The following COL1A1 variants were observed in gnomAD, a reference collection of about 807,000 sequenced individuals.
COL1A1 encodes collagen type I alpha 1 chain.
A neutral mutation model predicts 195.7 loss-of-function variants in COL1A1; 21 were observed. That is an observed-to-expected ratio of 0.11 (90% CI 0.08 to 0.15). The LOEUF (loss-of-function observed/expected upper bound fraction) is 0.15, where lower values mean the gene tolerates loss of function less well. Among genes scored for constraint, COL1A1 ranks in the 10% least tolerant of loss-of-function variants. COL1A1 has a pLI of 1.00. For missense variants in COL1A1, 1,365 were observed against 2,051.0 expected (o/e 0.67, Z 6.46); for synonymous variants, 749 against 747.3 (o/e 1.00, Z -0.04).
rs747598900 is a variant in COL1A1, at chr17:50,194,302, G to C, written c.1614+47C>G. The C allele has an allele frequency of 6.2e-7, 1 of 1,608,680 alleles. No individual in the cohort carries two copies. Among genetic ancestry groups the C allele is most frequent in the Non-Finnish European group, 8.5e-7 (1 of 1,175,404 alleles). ...AACGCCTCATCCCAGACCCTACACG[G>C]GATGGTCAGGGCCTGGCCAAGCCAG... On this transcript the variant is annotated intron_variant, in intron 23 of 50. Transcript: ENST00000225964. This position sits in a 1 kb window ranked among gnomAD's most constrained non-coding sequence, Gnocchi z 6.8.
rs1393863249 is a variant in COL1A1 at position 50,188,019 on chromosome 17, G to T, written c.3262-36C>A. On this transcript the variant is annotated intron_variant, in intron 44 of 50. Coordinates refer to ENST00000225964, the MANE Select transcript of COL1A1 (RefSeq NM_000088.4). The surrounding 1 kb of genome is among the most constrained non-coding windows in gnomAD (Gnocchi z 5.6). Reference sequence around the variant, plus strand: ...GAAAGGGACAAACTGTCAGGCGGAAGTTCCATTGGCATCGAGTGGGGCACT... The same window carrying T: ...GAAAGGGACAAACTGTCAGGCGGAATTTCCATTGGCATCGAGTGGGGCACT... The T allele has an allele frequency of 6.2e-7, 1 of 1,613,812 alleles. No homozygotes were observed. The highest frequency in any genetic ancestry group is 1.1e-5 in the South Asian group (1 of 91,070).
chr17:50,195,015 TG>T lies in COL1A1; in HGVS notation c.1353+31del. ...AGGGGGCTCCTAGGGCAGGGTGGGC[TG>T]GGCTGCAAGAAGGATGGCGGGGAGA... is the stretch of plus-strand genomic sequence containing the variant. On this transcript the variant is annotated intron_variant, in intron 20 of 50. Coordinates refer to ENST00000225964, the MANE Select transcript of COL1A1 (RefSeq NM_000088.4). This position sits in a 1 kb window ranked among gnomAD's most constrained non-coding sequence, Gnocchi z 4.3. 6.2e-7 allele frequency: 1 copy of T among 1,601,612 alleles called. No individual in the cohort carries two copies. Among genetic ancestry groups the T allele is most frequent in the Non-Finnish European group, 8.5e-7 (1 of 1,171,498 alleles).
At position 50,184,706 on chromosome 17, in the gene COL1A1, C is replaced by G; in HGVS notation, c.*796G>C. ...CCCCGGTGACACATCAAGACAAGAA[C>G]GAGGTAGTCTTTCAGCAACACAGTT... On this transcript the variant is annotated 3_prime_UTR_variant, in exon 51 of 51. Coordinates refer to ENST00000225964, the MANE Select transcript of COL1A1 (RefSeq NM_000088.4). 1 of 222,940 alleles carries G rather than the reference C, an allele frequency of 4.5e-6. No individual in the cohort carries two copies. The highest frequency in any genetic ancestry group is 8.9e-6 in the Non-Finnish European group (1 of 111,798). The allele number at this position is 222,940 out of a possible 1,614,324, so 13.8% of individuals were successfully genotyped here.
chr17:50,192,064 C>T lies in COL1A1; in HGVS notation c.1984-40G>A. On this transcript the variant is annotated intron_variant, in intron 29 of 50. Coordinates refer to ENST00000225964, the MANE Select transcript of COL1A1 (RefSeq NM_000088.4). ...GAGAGGAACAGACAGTGAGCAAAAC[C>T]CACCTGGGGCCACTCTGCTGGAAAG... 1.9e-6 allele frequency: 3 copies of T among 1,600,634 alleles called. No individual in the cohort carries two copies. In the South Asian group the frequency reaches 3.4e-5, roughly 18 times the overall value.
intron 11 of COL1A1, 93 bp downstream of exon 11, chr17:50,196,917 T>C: frequency 1.4e-6 from 2 of 1,437,274 alleles, no homozygotes; most frequent in South Asian, 2.3e-5. Context: ...CCACCCACCA[T>C]GATGCAACTC....
At chr17:50,199,679 G>A (rs1442393226) in intron 2 of COL1A1, 74 bp downstream of exon 2, 32 of 1,605,300 alleles carry the variant, frequency 2.0e-5, no homozygotes, top group Non-Finnish European at 2.7e-5. Context: ...GCCAGCGAGC[G>A]CCGACCACCC....
Position 50,197,231 on chromosome 17 carries a change from C to T in COL1A1, c.699G>A (p.Gly233=), listed in dbSNP as rs775720440. Residue 233 remains glycine (G), a splice_region_variant and synonymous_variant, in exon 10 of 51, where the codon GGG becomes GGA. Transcript: ENST00000225964. ...PGPPGKNGDD[G]EAGKPGRPGE... is the part of the protein sequence containing the mutation. ...CAGGACGACCAGGTTTTCCAGCTTC[C>T]CCCTGAGAGGGAGAGAAAAGACCAT... 5.6e-6 allele frequency: 9 copies of T among 1,612,632 alleles called. No individual in the cohort carries two copies. Among genetic ancestry groups the T allele is most frequent in the Admixed American group, 1.7e-5 (1 of 59,998 alleles).
chr17:50,198,193 G>A lies in COL1A1; in HGVS notation c.556C>T (p.Pro186Ser). Residue 186 changes from proline to serine, a missense_variant, in exon 7 of 51, where the codon CCT becomes TCT. Around this residue, in one of 5 missense-constraint regions of COL1A1, gnomAD observed 226 missense variants for 372.9 expected, o/e 0.61. Coordinates refer to ENST00000225964, the MANE Select transcript of COL1A1 (RefSeq NM_000088.4). ...SVPGPMGPSG[P>S]RGLPGPPGAP... ...CCAGGGGGGCCAGGGAGACCACGAG[G>A]ACCAGAGGGACCCTATAGAGGGAGA... 6.2e-7 allele frequency: 1 copy of A among 1,614,090 alleles called. No homozygotes were observed. The highest frequency in any genetic ancestry group is 1.3e-5 in the African/African-American group (1 of 75,016).
intron 15 of COL1A1, 76 bp from the exon 16 acceptor site, chr17:50,196,052 C>T: frequency 6.2e-7 from 1 of 1,604,966 alleles, no homozygotes. Context: ...AGAGGAAGTC[C>T]TGGGGTTCAG....
chr17:50,190,186 G>T lies in COL1A1; in HGVS notation c.2452-78C>A. ...TACCTGGGGGAGGAGCAGTAATGGA[G>T]GCAGGAAGATGCTTGGGTGGGAAAC... On this transcript the variant is annotated intron_variant, in intron 35 of 50. Transcript: ENST00000225964. This position sits in a 1 kb window ranked among gnomAD's most constrained non-coding sequence, Gnocchi z 4.7. 2 of 1,330,714 alleles carry T rather than the reference G, an allele frequency of 1.5e-6. No homozygotes were observed. Among genetic ancestry groups the T allele is most frequent in the Non-Finnish European group, 2.2e-6 (2 of 922,598 alleles). 82.4% of individuals were successfully genotyped at this position (1,330,714 alleles called of 1,614,324 possible). A position where few individuals can be genotyped will look rare whatever the true frequency, so the allele number is the denominator to read the frequency against.
rs777589249 is a variant in COL1A1, at chr17:50,194,822, C to T, written c.1360G>A (p.Val454Ile). Reference sequence around the variant, plus strand: ...GGGCCAGGGGGTCCTTGAACACCAACAGGGCCCTGGAGAGGGCCGAGAGGA... The same window carrying T: ...GGGCCAGGGGGTCCTTGAACACCAATAGGGCCCTGGAGAGGGCCGAGAGGA... ...DTGAKGEPGP[V>I]GVQGPPGPAG... Residue 454 changes from valine to isoleucine, a missense_variant, in exon 21 of 51, where the codon GTT (valine) becomes ATT (isoleucine). By Grantham distance (29) the Val-to-Ile change is conservative. Transcript: ENST00000225964. The surrounding 1 kb of genome is among the most constrained non-coding windows in gnomAD (Gnocchi z 6.8). The T allele has an allele frequency of 2.1e-5, 33 of 1,569,084 alleles. No individual in the cohort carries two copies. In the African/African-American group the frequency reaches 3.7e-4, roughly 17 times the overall value.
In COL1A1 at chr17:50,195,752, A is replaced by G; in HGVS notation, c.1057-87T>C. The stretch of plus-strand genomic sequence containing the variant: ...ATGGCAGGAGGAAGGGGAGACAGGG[A>G]CAGGAGAGCAATGATCAGGACTCTA... On this transcript the variant is annotated intron_variant, in intron 16 of 50. Transcript: ENST00000225964. This position sits in a 1 kb window ranked among gnomAD's most constrained non-coding sequence, Gnocchi z 4.3. The G allele has an allele frequency of 1.4e-6, 2 of 1,410,154 alleles. No homozygotes were observed. The highest frequency in any genetic ancestry group is 9.9e-7 in the Non-Finnish European group (1 of 1,011,184). The allele number at this position is 1,410,154 out of a possible 1,614,324, so 87.4% of individuals were successfully genotyped here.
Position 50,191,487 on chromosome 17 carries a change from C to T in COL1A1, c.2131G>A (p.Asp711Asn), listed in dbSNP as rs1247109829. 1 of 1,612,778 alleles carries T rather than the reference C, an allele frequency of 6.2e-7. No homozygotes were observed. The highest frequency in any genetic ancestry group is 1.7e-5 in the Admixed American group (1 of 59,940). The change falls in exon 32 of 51, where the codon GAT becomes AAT. Residue 711 changes from aspartate to asparagine, a missense_variant. By Grantham distance (23) the Asp-to-Asn change is conservative. This residue lies in a region of COL1A1 where 671 missense variants were observed against 1,099.9 expected (regional missense o/e 0.61). Transcript: ENST00000225964. ...GAPGNDGAKG[D>N]AGAPGAPGSQ... ...CCGGGAGCTCCAGGGGCACCAGCATCACCCTATGTGACAACCAAGAAGACT... is the reference window on the plus strand; with the variant it reads ...CCGGGAGCTCCAGGGGCACCAGCATTACCCTATGTGACAACCAAGAAGACT...
At position 50,186,177 on chromosome 17, in the gene COL1A1, A is replaced by G. The variant is rs147447144; in HGVS notation, c.4005+140T>C. On this transcript the variant is annotated intron_variant, in intron 49 of 50. Coordinates refer to ENST00000225964, the MANE Select transcript of COL1A1 (RefSeq NM_000088.4). The surrounding 1 kb of genome is among the most constrained non-coding windows in gnomAD (Gnocchi z 5.3). ...ATCGGCAGCCTGTGTCTGAACCACT[A>G]TCAGGGACCTGAGACCCCTGCCTCC... The G allele has an allele frequency of 5.1e-4, 770 of 1,504,462 alleles. 1 individual carries two copies. The highest frequency in any genetic ancestry group is 5.2e-4 in the Non-Finnish European group (575 of 1,100,248). 93.2% of individuals were successfully genotyped at this position (1,504,462 alleles called of 1,614,324 possible).
At chr17:50,193,895 C>T in intron 25 of COL1A1, 48 bp downstream of exon 25, 3 of 1,539,428 alleles carry the variant, frequency 1.9e-6, no homozygotes, top group Non-Finnish European at 2.7e-6. Context: ...CTTCAAGTCT[C>T]AGGTGTGTTT....
At position 50,185,945 on chromosome 17, in the gene COL1A1, C is replaced by T. The variant is rs141011435; in HGVS notation, c.4081G>A (p.Glu1361Lys). The T allele has an allele frequency of 2.9e-5, 46 of 1,613,882 alleles. No homozygotes were observed. In the Middle Eastern group the frequency reaches 6.6e-4, roughly 23 times the overall value. Residue 1361 changes from glutamate to lysine, a missense_variant, in exon 50 of 51, where the codon GAG (glutamate) becomes AAG (lysine). Physicochemically the swap from Glu to Lys is moderately conservative, Grantham distance 56. Coordinates refer to ENST00000225964, the MANE Select transcript of COL1A1 (RefSeq NM_000088.4). ...QLTFLRLMSTEASQNITYHCK... is the reference protein window; with the variant it reads ...QLTFLRLMSTKASQNITYHCK... ...TGGTAGGTGATGTTCTGGGAGGCCT[C>T]GGTGGACATCAGGCGCAGGAAGGTC...
At chr17:50,196,714 T>C (rs1255030987) in intron 11 of COL1A1, 44 bp from the exon 12 acceptor site, 1 of 1,602,236 alleles carries the variant, frequency 6.2e-7, no homozygotes, top group East Asian at 2.2e-5. Context: ...GTGGAGGGGG[T>C]GGAACAGCCT....
chr17:50,190,503 A>G lies in COL1A1; in HGVS notation c.2397+40T>C. ...CAGGGGTGCTGTGTGAAGGGAGGGA[A>G]GGGCCAAGTATGGGGTCTTAACAGG... On this transcript the variant is annotated intron_variant, in intron 34 of 50. Transcript: ENST00000225964. This position sits in a 1 kb window ranked among gnomAD's most constrained non-coding sequence, Gnocchi z 4.7. The G allele has an allele frequency of 6.2e-7, 1 of 1,612,022 alleles. No homozygotes were observed. The highest frequency in any genetic ancestry group is 1.3e-5 in the African/African-American group (1 of 74,912).
rs376524129 is a variant in COL1A1 at position 50,186,717 on chromosome 17, C to T, written c.3737G>A (p.Arg1246Gln). ...KSLSQQIENIRSPEGSRKNPA... is the reference protein window; with the variant it reads ...KSLSQQIENIQSPEGSRKNPA... ...GTTCTTGCGGCTGCCCTCTGGGCTC[C>T]GGATGTTCTCGATCTGCTGGCTCAG... Residue 1246 changes from arginine to glutamine, a missense_variant, in exon 48 of 51, where the codon CGG becomes CAG. This residue lies in a region of COL1A1 where 273 missense variants were observed against 338.6 expected (regional missense o/e 0.81). Transcript: ENST00000225964. This position sits in a 1 kb window ranked among gnomAD's most constrained non-coding sequence, Gnocchi z 5.3. 3.5e-5 allele frequency: 57 copies of T among 1,613,674 alleles called. No individual in the cohort carries two copies. The East Asian group carries it at 5.6e-4, about 16-fold the overall frequency.
Sources: gnomAD v4.1 joint callset for allele counts on GRCh38, gnomAD v4.1.1 for gene constraint, gnomAD v4.1.1 regional missense constraint, Gnocchi (gnomAD v3.1) non-coding constraint, MANE v1.5 for transcripts, NCBI Gene and HGNC (gene_info 2026-07-23, HGNC 2026-07-21) for gene names.